NXPE2: variants seen among roughly 807,000 people sequenced by gnomAD.
NXPE2 encodes neurexophilin and PC-esterase domain family member 2.
NXPE2 carries 34 observed loss-of-function variants against 34.4 expected under a neutral mutation model. The ratio of observed to expected loss-of-function variants is 0.99; its 90% CI spans 0.75 to 1.31. The LOEUF (loss-of-function observed/expected upper bound fraction) is 1.31, where lower values mean the gene tolerates loss of function less well. Among genes scored for constraint, NXPE2 ranks in the 40% most tolerant of loss-of-function variants. NXPE2 has a pLI of 0.00. For synonymous variants in NXPE2, 235 were observed against 231.3 expected (o/e 1.02, Z -0.15); for missense variants, 649 against 672.5 (o/e 0.97, Z 0.39).
At chr11:114,686,003 C>T (rs1036484094) in intron 2 of NXPE2, among the ~76,000 whole-genome samples, 2 of 152,002 alleles carry the variant, frequency 1.3e-5, no homozygotes, top group Non-Finnish European at 2.9e-5. Context: ...TTGACTATAT[C>T]AGTTTCAATA....
chr11:114,474,570 T>C, the NXPE2 span, among the ~76,000 whole-genome samples: 1 of 152,304 alleles, frequency 6.6e-6, no homozygotes, highest in African/African-American at 2.4e-5. Flanking sequence ...CAGCAGTGAT[T>C]GATGACTTTG....
At chr11:114,779,501 G>A in the NXPE2 span, among the ~76,000 whole-genome samples, 6 of 150,046 alleles carry the variant, frequency 4.0e-5, no homozygotes, top group Admixed American at 6.6e-5. Context: ...CGGAAGAGCC[G>A]CAGCATCCCA....
the NXPE2 span, among the ~76,000 whole-genome samples, chr11:114,496,879 A>G: frequency 6.6e-6 from 1 of 152,226 alleles, no homozygotes; most frequent in Non-Finnish European, 1.5e-5. Flanking sequence ...CTTTGTGCTG[A>G]TGCTGGTGTA....
the NXPE2 span, among the ~76,000 whole-genome samples, chr11:114,732,611 A>G: frequency 6.6e-6 from 1 of 152,234 alleles, no homozygotes; most frequent in Non-Finnish European, 1.5e-5. Context: ...TGCCTATTCA[A>G]TCTGAAAAGA....
the NXPE2 span, among the ~76,000 whole-genome samples, chr11:114,504,454 T>C: frequency 3.9e-5 from 6 of 152,204 alleles, no homozygotes; most frequent in South Asian, 4.2e-4. Context: ...CTTGCCTCTA[T>C]CGCTGTGGTG....
chr11:114,773,378 T>A, the NXPE2 span, among the ~76,000 whole-genome samples: 2 of 149,878 alleles, frequency 1.3e-5, no homozygotes, highest in African/African-American at 4.9e-5. Context: ...TGCTTCCAGA[T>A]AAGAACCCCC....
intron 2 of NXPE2, among the ~76,000 whole-genome samples, chr11:114,680,118 A>G (rs560756630): frequency 7.2e-5 from 11 of 152,178 alleles, no homozygotes; most frequent in Admixed American, 5.9e-4. Context: ...CCTTCTTCAC[A>G]GGGGTTTTCT....
chr11:114,487,361 T>C, the NXPE2 span, among the ~76,000 whole-genome samples: 1 of 152,206 alleles, frequency 6.6e-6, no homozygotes, highest in African/African-American at 2.4e-5. Flanking sequence ...GCAAGTTTAC[T>C]GAATTTTCGT....
At chr11:114,608,976 G>A in the NXPE2 span, among the ~76,000 whole-genome samples, 37 of 151,106 alleles carry the variant, frequency 2.4e-4, 2 homozygotes, top group African/African-American at 7.8e-4. Context: ...GTGTTGCCTC[G>A]TGGGTAACCA....
chr11:114,535,817 C>T, the NXPE2 span, among the ~76,000 whole-genome samples: 25 of 152,152 alleles, frequency 1.6e-4, no homozygotes, highest in East Asian at 7.7e-4. Context: ...ACTTAGACTC[C>T]GACACAATAA....
At chr11:114,723,587 C>G in the NXPE2 span, among the ~76,000 whole-genome samples, 1 of 152,108 alleles carries the variant, frequency 6.6e-6, no homozygotes, top group African/African-American at 2.4e-5. Context: ...CTAGCTGTAT[C>G]CCCAAATCTA....
the NXPE2 span, among the ~76,000 whole-genome samples, chr11:114,630,434 A>T: frequency 6.6e-6 from 1 of 151,874 alleles, no homozygotes; most frequent in Non-Finnish European, 1.5e-5. Flanking sequence ...AGTATTCCCT[A>T]TTTAATAAAT....
the NXPE2 span, chr11:114,553,948 G>T: frequency 1.7e-5 from 17 of 985,272 alleles, no homozygotes; most frequent in Non-Finnish European, 6.0e-6. Flanking sequence ...GGGAGAGCAG[G>T]TTTGTCAGTA....
the NXPE2 span, among the ~76,000 whole-genome samples, chr11:114,668,468 T>G: frequency 3.3e-5 from 5 of 151,932 alleles, no homozygotes; most frequent in South Asian, 1.0e-3. Flanking sequence ...CAAACAAAAA[T>G]TTGTGACAAG....
At chr11:114,779,287 C>G in the NXPE2 span, among the ~76,000 whole-genome samples, 1 of 146,180 alleles carries the variant, frequency 6.8e-6, no homozygotes, top group African/African-American at 2.6e-5. Flanking sequence ...CTTTTTCCAG[C>G]TATCACACAG....
At chr11:114,721,907 GA>G in the NXPE2 span, among the ~76,000 whole-genome samples, 1 of 152,210 alleles carries the variant, frequency 6.6e-6, no homozygotes, top group South Asian at 2.1e-4. Flanking sequence ...AATGTAAGTG[GA>G]AAAGAGAAAG....
chr11:114,632,885 T>A, the NXPE2 span, among the ~76,000 whole-genome samples: 1,028 of 55,890 alleles, frequency 0.018, 46 homozygotes, highest in African/African-American at 0.071. Flanking sequence ...TAATTATATA[T>A]TATATAATTT....
At chr11:114,464,976 T>C in the NXPE2 span, among the ~76,000 whole-genome samples, 2 of 152,166 alleles carry the variant, frequency 1.3e-5, no homozygotes, top group Non-Finnish European at 2.9e-5. Flanking sequence ...ATCAGGAAAT[T>C]CATATTAAAC....
chr11:114,773,307 C>T, the NXPE2 span, among the ~76,000 whole-genome samples: 1 of 133,354 alleles, frequency 7.5e-6, no homozygotes, highest in Admixed American at 8.2e-5. Flanking sequence ...TCTGGGCACT[C>T]ATAGCTCTTC....
Sources: allele counts gnomAD v4.1 joint callset (sites outside exome capture counted in the v4.1 genomes callset), GRCh38; gene constraint gnomAD v4.1.1; transcripts MANE v1.5; gene names NCBI Gene and HGNC (gene_info 2026-07-23, HGNC 2026-07-21).